The following SLC12A9 variants were observed in gnomAD, a reference collection of about 807,000 sequenced individuals.
SLC12A9 encodes the protein solute carrier family 12 member 9, also known as CCC-interacting protein 1.
Under a neutral mutation model 66.0 loss-of-function variants are expected in SLC12A9, and 55 were observed. The ratio of observed to expected loss-of-function variants is 0.83; its 90% CI spans 0.67 to 1.04. The LOEUF is 1.04. Among genes scored for constraint, SLC12A9 ranks in the 50% least tolerant of loss-of-function variants. The pLI is 0.00. For missense variants in SLC12A9, 1,061 were observed against 1,241.9 expected, an observed-to-expected ratio of 0.85 and a Z score of 2.19; for synonymous variants, 577 against 569.0, an observed-to-expected ratio of 1.01 and a Z score of -0.20.
In SLC12A9 at chr7:100,854,164, A is replaced by ACCC; in HGVS notation, c.-33_-31dup. On this transcript the variant is annotated 5_prime_UTR_variant, in exon 2 of 14. Transcript: ENST00000354161. ...CATAATCTCCTTTGCAGGTCACCTAACCCATTTGTGGCTTCCTCTACCTGT... is the reference window on the plus strand; with the variant it reads ...CATAATCTCCTTTGCAGGTCACCTAACCCCCCATTTGTGGCTTCCTCTACCTGT... 6.6e-7 allele frequency: 1 copy of ACCC among 1,524,196 alleles called. No individual in the cohort carries two copies. Among genetic ancestry groups the ACCC allele is most frequent in the South Asian group, 1.4e-5 (1 of 73,056 alleles). The allele number at this position is 1,524,196 out of a possible 1,614,324, so 94.4% of individuals were successfully genotyped here.
intron 13 of SLC12A9, chr7:100,865,297 G>T: frequency 6.5e-7 from 1 of 1,535,748 alleles, no homozygotes; most frequent in Non-Finnish European, 8.7e-7. Context: ...AGTCTGGGAC[G>T]CTATTACCCT....
chr7:100,859,141 C>T lies in SLC12A9; in HGVS notation c.957C>T (p.Leu319=). The T allele has an allele frequency of 6.2e-7, 1 of 1,614,040 alleles. No individual in the cohort carries two copies. Among genetic ancestry groups the T allele is most frequent in the Non-Finnish European group, 8.5e-7 (1 of 1,179,998 alleles). Residue 319 remains leucine, a synonymous_variant, in exon 7 of 14, where the codon CTC becomes CTT. Coordinates refer to ENST00000354161, the MANE Select transcript of SLC12A9 (RefSeq NM_020246.4). ...TFFVYVLLFF[L]SSFTCDRTLL... The stretch of plus-strand genomic sequence containing the variant: ...TCGTCTATGTCCTGCTTTTCTTTCT[C>T]TCCAGCTTCACTTGTGACAGGTGTC...
Position 100,827,018 on chromosome 7 carries a change from C to T in SLC12A9, n.199C>T, listed in dbSNP as rs376314076. Reference sequence around the variant, plus strand: ...GCCAACGAAGCCCAGCAGAGCAGCACCCGGAGCTCCATGGCGCCGCCTCAC... The same window carrying T: ...GCCAACGAAGCCCAGCAGAGCAGCATCCGGAGCTCCATGGCGCCGCCTCAC... On this transcript the variant is annotated non_coding_transcript_exon_variant, in exon 1 of 2. Transcript: ENST00000461016. 1.3e-4 allele frequency: 204 copies of T among 1,585,634 alleles called. No homozygotes were observed. The African/African-American group carries it at 2.4e-3, about 19-fold the overall frequency.
intron 1 of SLC12A9, among the ~76,000 whole-genome samples, chr7:100,836,048 C>T (rs1357376373): frequency 6.6e-6 from 1 of 152,154 alleles, no homozygotes; most frequent in Non-Finnish European, 1.5e-5. Flanking sequence ...CTTTTGTTTC[C>T]TCTCTTCCCC....
intron 1 of SLC12A9, chr7:100,837,695 T>G (rs1813690074): frequency 6.6e-6 from 1 of 152,242 alleles, no homozygotes; most frequent in African/African-American, 2.4e-5. Context: ...GATCTCTCTC[T>G]GTTGCCTAGG....
Position 100,857,112 on chromosome 7 carries a change from C to T in SLC12A9, c.693C>T (p.Ser231=), listed in dbSNP as rs1264560417. 1.9e-6 allele frequency: 3 copies of T among 1,614,110 alleles called. No individual in the cohort carries two copies. The highest frequency in any genetic ancestry group is 2.2e-5 in the East Asian group (1 of 44,900). ...LTPRPGPNGS[S]LPPRFGHFTG... ...CTAGGCCTGGCCCCAATGGCTCCTC[C>T]CTGCCGCCCCGGTTTGGCCACTTCA... is the stretch of plus-strand genomic sequence containing the variant. The change falls in exon 5 of 14, where the codon TCC becomes TCT. Residue 231 remains serine (S), a synonymous_variant. Coordinates refer to ENST00000354161, the MANE Select transcript of SLC12A9 (RefSeq NM_020246.4).
chr7:100,842,054 T>G (rs527623218), intron 1 of SLC12A9, among the ~76,000 whole-genome samples: 80 of 149,806 alleles, frequency 5.3e-4, no homozygotes, highest in African/African-American at 1.7e-3. Flanking sequence ...GAAGAAAAAC[T>G]CAAGCCAGCC....
rs1036874991 is a variant in SLC12A9 at position 100,861,368 on chromosome 7, C to T, written c.1344-24C>T. ...TGTGCGGCCTGCCCTGAGTTTCTGT[C>T]CCTCCTCCCCTCCATGCCCGCAGCC... On this transcript the variant is annotated intron_variant, in intron 10 of 13. Coordinates refer to ENST00000354161, the MANE Select transcript of SLC12A9 (RefSeq NM_020246.4). The surrounding 1 kb of genome is among the most constrained non-coding windows in gnomAD (Gnocchi z 5.3). 1 of 1,611,892 alleles carries T rather than the reference C, an allele frequency of 6.2e-7. No individual in the cohort carries two copies. The highest frequency in any genetic ancestry group is 8.5e-7 in the Non-Finnish European group (1 of 1,178,548).
Position 100,865,754 on chromosome 7 carries a change from T to C in SLC12A9, c.1894T>C (p.Tyr632His). ...MKPNTLVLGF[Y>H]DDAPPQDHFL... ...GCCCAACACGTTGGTCCTAGGTTTC[T>C]ACGATGACGCTCCACCGCAGGACCA... The change falls in exon 14 of 14, where the codon TAC becomes CAC. Residue 632 changes from tyrosine (Y) to histidine (H), a missense_variant. Physicochemically the swap from Tyr to His is moderately conservative, Grantham distance 83 (BLOSUM62 2). Coordinates refer to ENST00000354161, the MANE Select transcript of SLC12A9 (RefSeq NM_020246.4). 2 of 1,613,666 alleles carry C rather than the reference T, an allele frequency of 1.2e-6. No homozygotes were observed. The highest frequency in any genetic ancestry group is 1.7e-6 in the Non-Finnish European group (2 of 1,179,906).
At chr7:100,854,423 G>A (rs772849887) in intron 2 of SLC12A9, 45 bp downstream of exon 2, 2 of 1,599,842 alleles carry the variant, frequency 1.3e-6, no homozygotes, top group African/African-American at 1.4e-5. Context: ...TAGTATGGGA[G>A]GACATGATGG....
At chr7:100,860,339 C>T in intron 9 of SLC12A9, 107 bp downstream of exon 9, 9 of 1,168,784 alleles carry the variant, frequency 7.7e-6, no homozygotes, top group Non-Finnish European at 1.1e-5. Context: ...AATGCGTATG[C>T]ACTTGGGGTT....
chr7:100,827,110 T>G (rs1352509263), intron 1 of SLC12A9: 1 of 1,462,024 alleles, frequency 6.8e-7, no homozygotes, highest in Non-Finnish European at 9.3e-7. Context: ...CCTGGGCGGG[T>G]GGACGCCGAT....
rs747309463 is a variant in SLC12A9 at position 100,861,867 on chromosome 7, A to AG, written c.1674dup (p.Leu559AlafsTer76). ...CTGCGGTTGGCCAACCAGCTTAAGA[A>AG]GGGGGGGCTGTATGTGCTGGGCCAC... is the stretch of plus-strand genomic sequence containing the variant. On this transcript the variant is annotated frameshift_variant, in exon 12 of 14. Coordinates refer to ENST00000354161, the MANE Select transcript of SLC12A9 (RefSeq NM_020246.4). LOFTEE classifies it high-confidence loss of function. This position sits in a 1 kb window ranked among gnomAD's most constrained non-coding sequence, Gnocchi z 5.3. The AG allele has an allele frequency of 1.2e-6, 2 of 1,613,036 alleles. No individual in the cohort carries two copies. The highest frequency in any genetic ancestry group is 1.7e-5 in the Admixed American group (1 of 59,888).
intron 9 of SLC12A9, 50 bp downstream of exon 9, chr7:100,860,282 G>C: frequency 6.3e-7 from 1 of 1,575,250 alleles, no homozygotes; most frequent in Non-Finnish European, 8.7e-7. Flanking sequence ...CCAGCTGGCA[G>C]GATGGGGGTG....
intron 1 of SLC12A9, among the ~76,000 whole-genome samples, chr7:100,840,149 G>GA (rs1813753304): frequency 6.6e-6 from 1 of 152,146 alleles, no homozygotes; most frequent in Non-Finnish European, 1.5e-5. Flanking sequence ...TGCAAACTGC[G>GA]AAAGTGTGTG....
At chr7:100,827,906 A>C (rs1813459740) in intron 1 of SLC12A9, among the ~76,000 whole-genome samples, 1 of 152,026 alleles carries the variant, frequency 6.6e-6, no homozygotes, top group Non-Finnish European at 1.5e-5. Context: ...GTGCACGTAA[A>C]TGTTCACCGC....
chr7:100,851,804 A>AAAAAAG (rs1814091022), upstream of SLC12A9, among the ~76,000 whole-genome samples: 1 of 150,392 alleles, frequency 6.6e-6, no homozygotes, highest in Non-Finnish European at 1.5e-5. Flanking sequence ...AAAAAAAAAA[A>AAAAAAG]AAGGAAATGT....
upstream of SLC12A9, among the ~76,000 whole-genome samples, chr7:100,849,081 C>T (rs547033972): frequency 1.6e-4 from 24 of 151,556 alleles, no homozygotes; most frequent in African/African-American, 5.3e-4. Context: ...CGTGTACCAC[C>T]AGGCCCAGCT....
chr7:100,860,055 C>T lies in SLC12A9; in HGVS notation c.1135+13C>T, dbSNP rs1456153362. 1.2e-6 allele frequency: 2 copies of T among 1,614,048 alleles called. No individual in the cohort carries two copies. Among genetic ancestry groups the T allele is most frequent in the East Asian group, 4.5e-5 (2 of 44,898 alleles). ...GATGACCTCTTTGGTGGGTTCTCTG[C>T]CTCCTTGCTGGCTTGGAGCACGCCC... On this transcript the variant is annotated intron_variant, in intron 8 of 13. Coordinates refer to ENST00000354161, the MANE Select transcript of SLC12A9 (RefSeq NM_020246.4).
Sources: allele counts gnomAD v4.1 joint callset (sites outside exome capture counted in the v4.1 genomes callset), GRCh38; gene constraint gnomAD v4.1.1; non-coding constraint Gnocchi (gnomAD v3.1); transcripts MANE v1.5; gene names NCBI Gene and HGNC (gene_info 2026-07-23, HGNC 2026-07-21).